Variants in RIMKLA observed in about 807,000 individuals in gnomAD.
The protein encoded by RIMKLA is ribosomal modification protein rimK like family member A, also known as N-acetylaspartylglutamate synthase A.
Under a neutral mutation model 32.7 loss-of-function variants are expected in RIMKLA, and 14 were observed. The observed-to-expected ratio is 0.43, with a 90% confidence interval of 0.28 to 0.67. RIMKLA has a LOEUF of 0.67. Ranked by LOEUF, RIMKLA falls within the 30% of genes least tolerant of loss-of-function variation. The probability of loss-of-function intolerance (pLI) is 0.18; values close to 1 mark genes in which losing one functional copy is unlikely to be tolerated. For synonymous variants in RIMKLA, 176 were observed against 204.1 expected (o/e 0.86, Z 1.18); for missense variants, 410 against 519.0 (o/e 0.79, Z 2.04).
chr1:42,416,093 G>GGGGC lies in RIMKLA; in HGVS notation c.*1122_*1123insCGGG, dbSNP rs1553177718. On this transcript the variant is annotated 3_prime_UTR_variant, in exon 5 of 5. Coordinates refer to ENST00000431473, the MANE Select transcript of RIMKLA (RefSeq NM_173642.4). ...TTACCCATTGCACATTTTGCGGGGG[G>GGGGC]GGGGGCTAATGTAGACATGACACCA... 7.2e-5 allele frequency: 10 copies of GGGGC among 138,300 alleles called. 2 individuals are homozygous for GGGGC. Among genetic ancestry groups the GGGGC allele is most frequent in the Admixed American group, 5.9e-4 (8 of 13,672 alleles). 8.6% of individuals were successfully genotyped at this position (138,300 alleles called of 1,614,324 possible). A position where few individuals can be genotyped will look rare whatever the true frequency, so the allele number is the denominator to read the frequency against.
intron 1 of RIMKLA, among the ~76,000 whole-genome samples, chr1:42,393,524 A>T (rs554641746): frequency 6.6e-6 from 1 of 152,314 alleles, no homozygotes; most frequent in East Asian, 1.9e-4. Context: ...TGGCCACATA[A>T]ATGTCTGTGG....
At chr1:42,386,721 A>AC (rs1430580153) in intron 1 of RIMKLA, among the ~76,000 whole-genome samples, 1 of 150,520 alleles carries the variant, frequency 6.6e-6, no homozygotes, top group Non-Finnish European at 1.5e-5. Flanking sequence ...ACTAAAAAAA[A>AC]AAAAAATACA....
At chr1:42,412,866 T>G (rs893085121) in intron 4 of RIMKLA, 11 of 251,244 alleles carry the variant, frequency 4.4e-5, no homozygotes, top group Non-Finnish European at 8.5e-5. Flanking sequence ...CCAGGTGTGG[T>G]GGCTTACCCC....
chr1:42,422,756 T>C lies in RIMKLA; in HGVS notation c.*7782T>C, dbSNP rs115122515. ...ACACCAGCTGCGTTCTGAAAAACTA[T>C]AATTTTCCTTTCAAACGCAGAGTGC... On this transcript the variant is annotated 3_prime_UTR_variant, in exon 5 of 5. Transcript: ENST00000431473. 3.6e-3 allele frequency among the ~76,000 whole-genome samples: 549 copies of C among 152,344 alleles called. 2 individuals carry two copies. The highest frequency in any genetic ancestry group is 0.012 in the African/African-American group (519 of 41,582).
intron 1 of RIMKLA, among the ~76,000 whole-genome samples, chr1:42,390,818 G>A (rs1334559701): frequency 2.0e-5 from 3 of 152,156 alleles, no homozygotes; most frequent in Non-Finnish European, 2.9e-5. Context: ...CCCTAGGTAC[G>A]TTTCATTACA....
chr1:42,413,133 C>CAAAT (rs368162189), intron 4 of RIMKLA, among the ~76,000 whole-genome samples: 6,302 of 150,476 alleles, frequency 0.042, 159 homozygotes, highest in Non-Finnish European at 0.057. Context: ...GACTCTGTCT[C>CAAAT]AAATAAATAA....
At chr1:42,390,012 C>G (rs1642986763) in intron 1 of RIMKLA, among the ~76,000 whole-genome samples, 1 of 148,982 alleles carries the variant, frequency 6.7e-6, no homozygotes, top group Non-Finnish European at 1.5e-5. Context: ...AGGATTGAGA[C>G]AGGATTCAGA....
rs1056725850 is a variant in RIMKLA at position 42,422,866 on chromosome 1, C to T, written c.*7892C>T. Among the ~76,000 whole-genome samples the T allele has an allele frequency of 6.6e-6, 1 of 152,170 alleles. No individual in the cohort carries two copies. Among genetic ancestry groups the T allele is most frequent in the African/African-American group, 2.4e-5 (1 of 41,444 alleles). On this transcript the variant is annotated 3_prime_UTR_variant, in exon 5 of 5. Coordinates refer to ENST00000431473, the MANE Select transcript of RIMKLA (RefSeq NM_173642.4). ...GCAGATGGCGTGAGCTTGTCACGGG[C>T]CTGCTCAGCGTGCTCTCCCGGGCTG...
rs944358379 is a variant in RIMKLA at position 42,389,418 on chromosome 1, C to T, written c.163+8321C>T. ...GAGTAGGAGAAACTAGCAAAGAATC[C>T]TGAGTAAAAGAAAAATGAAACCCAG... is the stretch of plus-strand genomic sequence containing the variant. On this transcript the variant is annotated intron_variant, in intron 1 of 4. Transcript: ENST00000431473. 2.0e-5 allele frequency among the ~76,000 whole-genome samples: 3 copies of T among 152,166 alleles called. No homozygotes were observed. In the East Asian group the frequency reaches 5.8e-4, roughly 29 times the overall value.
chr1:42,408,305 C>T (rs1643166208), intron 3 of RIMKLA, among the ~76,000 whole-genome samples: 1 of 152,200 alleles, frequency 6.6e-6, no homozygotes, highest in South Asian at 2.1e-4. Context: ...CTGAACTCCT[C>T]CAGCTCTGTC....
rs1036269910 is a variant in RIMKLA, at chr1:42,421,243, A to G, written c.*6269A>G. On this transcript the variant is annotated 3_prime_UTR_variant, in exon 5 of 5. Coordinates refer to ENST00000431473, the MANE Select transcript of RIMKLA (RefSeq NM_173642.4). This position sits in a 1 kb window ranked among gnomAD's most constrained non-coding sequence, Gnocchi z 4.6. ...GGGCTGGAAAGCCGACCTGGAAAGC[A>G]GCCTGACCTTGGATGATTTAGCACC... The G allele has an allele frequency of 6.6e-6, 1 of 152,310 alleles. No individual in the cohort carries two copies. The highest frequency in any genetic ancestry group is 2.4e-5 in the African/African-American group (1 of 41,474). The allele number at this position is 152,310 out of a possible 1,614,324, so 9.4% of individuals were successfully genotyped here.
intron 1 of RIMKLA, among the ~76,000 whole-genome samples, chr1:42,385,357 C>CAA (rs1292985171): frequency 6.6e-6 from 1 of 152,060 alleles, no homozygotes; most frequent in Non-Finnish European, 1.5e-5. Context: ...GCTCAAGAAA[C>CAA]AAGTATAGTC....
At chr1:42,381,577 C>G (rs1019699788) in intron 1 of RIMKLA, among the ~76,000 whole-genome samples, 4 of 152,186 alleles carry the variant, frequency 2.6e-5, no homozygotes, top group African/African-American at 9.7e-5. Context: ...TATTTCCAAA[C>G]TAGAAAGCCA....
intron 4 of RIMKLA, among the ~76,000 whole-genome samples, chr1:42,410,826 A>G (rs1161038336): frequency 1.6e-5 from 2 of 124,160 alleles, no homozygotes; most frequent in Non-Finnish European, 3.7e-5. Flanking sequence ...TGTTGGTGAT[A>G]GGAAAAAAAA....
chr1:42,386,648 G>T (rs180786804), intron 1 of RIMKLA, among the ~76,000 whole-genome samples: 16 of 151,112 alleles, frequency 1.1e-4, no homozygotes, highest in African/African-American at 3.4e-4. Flanking sequence ...GGCCGAGGCA[G>T]GTGGATCACT....
At position 42,381,114 on chromosome 1, in the gene RIMKLA, C is replaced by T. The variant is rs1321093689; in HGVS notation, c.163+17C>T. 3 of 1,244,884 alleles carry T rather than the reference C, an allele frequency of 2.4e-6. No individual in the cohort carries two copies. Among genetic ancestry groups the T allele is most frequent in the Admixed American group, 4.2e-5 (1 of 23,720 alleles). The allele number at this position is 1,244,884 out of a possible 1,614,324, so 77.1% of individuals were successfully genotyped here. On this transcript the variant is annotated intron_variant, in intron 1 of 4. Transcript: ENST00000431473. ...GCCACCTCGGTGAGCGAGGCGGGCC[C>T]GGGGAGGGCAGGGAGGCGCGCCGGG...
At position 42,404,603 on chromosome 1, in the gene RIMKLA, T is replaced by C. The variant is rs778665759; in HGVS notation, c.481+6T>C. 6.3e-7 allele frequency: 1 copy of C among 1,595,438 alleles called. No individual in the cohort carries two copies. Among genetic ancestry groups the C allele is most frequent in the South Asian group, 1.1e-5 (1 of 90,750 alleles). On this transcript the variant is annotated splice_donor_region_variant and intron_variant, in intron 3 of 4. Coordinates refer to ENST00000431473, the MANE Select transcript of RIMKLA (RefSeq NM_173642.4). ...GAGCACACGAGGCCACCGGGGTCAG[T>C]GCCACCTCTCCAGGGCTTCCTGGGT... is the stretch of plus-strand genomic sequence containing the variant.
chr1:42,404,036 A>G (rs1249828793), intron 2 of RIMKLA, among the ~76,000 whole-genome samples: 1 of 149,708 alleles, frequency 6.7e-6, no homozygotes, highest in African/African-American at 2.5e-5. Flanking sequence ...CTGATGTTTC[A>G]CCATTTTTTT....
rs144595716 is a variant in RIMKLA at position 42,414,711 on chromosome 1, A to G, written c.913A>G (p.Asn305Asp). The G allele has an allele frequency of 8.6e-5, 139 of 1,614,106 alleles. No individual in the cohort carries two copies. Among genetic ancestry groups the G allele is most frequent in the Non-Finnish European group, 1.2e-4 (136 of 1,180,042 alleles). The change falls in exon 5 of 5, where the codon AAT becomes GAT. Residue 305 changes from asparagine to aspartate, a missense_variant. Transcript: ENST00000431473. ...IADYTMSLLP[N>D]RQTGKMAVLP... ...AGACTATACCATGTCCTTGCTGCCA[A>G]ATAGGCAGACTGGAAAGATGGCTGT...
Sources: allele counts gnomAD v4.1 joint callset (sites outside exome capture counted in the v4.1 genomes callset), GRCh38; gene constraint gnomAD v4.1.1; non-coding constraint Gnocchi (gnomAD v3.1); transcripts MANE v1.5; gene names NCBI Gene and HGNC (gene_info 2026-07-23, HGNC 2026-07-21).